MOB3B: variants seen among roughly 807,000 people sequenced by gnomAD.
The protein encoded by MOB3B is MOB kinase activator 3B.
Under a neutral mutation model 18.7 loss-of-function variants are expected in MOB3B, and 7 were observed. That is an observed-to-expected ratio of 0.37 (90% CI 0.21 to 0.70). The LOEUF (loss-of-function observed/expected upper bound fraction) is 0.70, where lower values mean the gene tolerates loss of function less well. Ranked by LOEUF, MOB3B falls within the 30% of genes least tolerant of loss-of-function variation. The pLI is 0.52. For synonymous variants in MOB3B, 111 were observed against 99.9 expected (o/e 1.11, Z -0.66); for missense variants, 253 against 281.3 (o/e 0.90, Z 0.72).
chr9:27,384,728 G>A (rs1050984812), intron 2 of MOB3B, among the ~76,000 whole-genome samples: 1 of 152,150 alleles, frequency 6.6e-6, no homozygotes, highest in African/African-American at 2.4e-5. Flanking sequence ...GGTGTCAGAC[G>A]GAAGCATCTC....
At chr9:27,418,867 G>T (rs1306437505) in intron 2 of MOB3B, among the ~76,000 whole-genome samples, 1 of 152,076 alleles carries the variant, frequency 6.6e-6, no homozygotes, top group Non-Finnish European at 1.5e-5. Flanking sequence ...AACTGTCACT[G>T]TTTGCTGACA....
At chr9:27,424,282 G>A (rs1285290910) in intron 2 of MOB3B, among the ~76,000 whole-genome samples, 1 of 152,152 alleles carries the variant, frequency 6.6e-6, no homozygotes, top group Non-Finnish European at 1.5e-5. Flanking sequence ...AAATGATTAG[G>A]CTGATTTAGA....
At chr9:27,458,707 T>C (rs1306969426) in intron 1 of MOB3B, among the ~76,000 whole-genome samples, 1 of 151,154 alleles carries the variant, frequency 6.6e-6, no homozygotes, top group East Asian at 2.0e-4. Context: ...CATGCCACAA[T>C]GCCTGGCTAA....
At chr9:27,501,505 A>T (rs1045810553) in intron 1 of MOB3B, among the ~76,000 whole-genome samples, 2 of 150,872 alleles carry the variant, frequency 1.3e-5, no homozygotes, top group Non-Finnish European at 3.0e-5. Context: ...CAAGGACAGA[A>T]AGCCAAACAC....
intron 1 of MOB3B, among the ~76,000 whole-genome samples, chr9:27,514,294 G>A (rs1051342999): frequency 1.6e-5 from 2 of 127,958 alleles, no homozygotes; most frequent in African/African-American, 6.0e-5. Context: ...TTATGAAGAA[G>A]CTCTTTCAGA....
chr9:27,475,972 C>A (rs1037493338), intron 1 of MOB3B, among the ~76,000 whole-genome samples: 2 of 152,194 alleles, frequency 1.3e-5, no homozygotes, highest in Non-Finnish European at 2.9e-5. Context: ...TGAAATCAGG[C>A]CACTGCCCTC....
intron 1 of MOB3B, among the ~76,000 whole-genome samples, chr9:27,502,465 A>C (rs1820005552): frequency 6.6e-6 from 1 of 152,220 alleles, no homozygotes; most frequent in Admixed American, 6.5e-5. Flanking sequence ...CACAAACTAC[A>C]GTATACCCCA....
At chr9:27,507,980 G>T (rs770670878) in intron 1 of MOB3B, among the ~76,000 whole-genome samples, 1 of 152,102 alleles carries the variant, frequency 6.6e-6, no homozygotes, top group Non-Finnish European at 1.5e-5. Context: ...ATGAGTTTTT[G>T]TTTATCTGTT....
chr9:27,384,904 C>T (rs1821629398), intron 2 of MOB3B, among the ~76,000 whole-genome samples: 2 of 152,174 alleles, frequency 1.3e-5, no homozygotes, highest in African/African-American at 4.8e-5. Context: ...TGCCCAGCAG[C>T]CCCAGCCTCC....
In MOB3B at chr9:27,395,158, C is replaced by T. The variant is rs369489480; in HGVS notation, c.419-35922G>A. Among the ~76,000 whole-genome samples the T allele has an allele frequency of 3.9e-5, 6 of 152,160 alleles. No individual in the cohort carries two copies. The East Asian group carries it at 5.8e-4, about 15-fold the overall frequency. ...TCTTGTTGTAGAAGCATCAAAAGAC[C>T]GCTGAAGCGGGGAGATATTGATCAA... is the stretch of plus-strand genomic sequence containing the variant. On this transcript the variant is annotated intron_variant, in intron 2 of 3. Transcript: ENST00000262244.
chr9:27,382,326 C>T (rs1027899566), intron 2 of MOB3B, among the ~76,000 whole-genome samples: 10 of 152,316 alleles, frequency 6.6e-5, no homozygotes, highest in African/African-American at 2.4e-4. Context: ...CAGATCGATT[C>T]TCTTTCTACA....
intron 3 of MOB3B, among the ~76,000 whole-genome samples, chr9:27,344,363 G>T (rs1429824779): frequency 1.3e-5 from 2 of 152,150 alleles, no homozygotes; most frequent in African/African-American, 4.8e-5. Context: ...AGAAAAATGA[G>T]AATTATTCCA....
At chr9:27,526,163 A>G (rs1820433657) in intron 1 of MOB3B, 1 of 152,222 alleles carries the variant, frequency 6.6e-6, no homozygotes, top group Non-Finnish European at 1.5e-5. Context: ...CAGATTCAAG[A>G]TTATTCCAAG....
At chr9:27,437,024 G>A (rs1453352513) in intron 2 of MOB3B, among the ~76,000 whole-genome samples, 3 of 151,602 alleles carry the variant, frequency 2.0e-5, no homozygotes, top group Non-Finnish European at 4.4e-5. Flanking sequence ...TGGGGGGAGT[G>A]TGTTTTGAGA....
At chr9:27,333,458 C>G (rs1428472303) in intron 3 of MOB3B, among the ~76,000 whole-genome samples, 1 of 152,180 alleles carries the variant, frequency 6.6e-6, no homozygotes, top group Non-Finnish European at 1.5e-5. Context: ...ACATTCCTTC[C>G]TCTCTGAGAG....
intron 2 of MOB3B, among the ~76,000 whole-genome samples, chr9:27,449,286 G>T (rs780561446): frequency 6.6e-6 from 1 of 152,132 alleles, no homozygotes; most frequent in Non-Finnish European, 1.5e-5. Flanking sequence ...CTGAGGATAC[G>T]GTTCAAAAAT....
At chr9:27,476,834 C>A (rs996196603) in intron 1 of MOB3B, among the ~76,000 whole-genome samples, 1 of 152,194 alleles carries the variant, frequency 6.6e-6, no homozygotes, top group African/African-American at 2.4e-5. Flanking sequence ...ACAGGCTACT[C>A]CTAGATAGTG....
chr9:27,455,001 A>G (rs1822849063), intron 2 of MOB3B, 132 bp downstream of exon 2: 3 of 952,758 alleles, frequency 3.1e-6, no homozygotes, highest in Admixed American at 4.7e-5. Context: ...GCTCTTATAT[A>G]TCACTCACTA....
intron 2 of MOB3B, among the ~76,000 whole-genome samples, chr9:27,390,826 G>A (rs976041664): frequency 4.6e-5 from 7 of 152,136 alleles, no homozygotes; most frequent in African/African-American, 1.7e-4. Flanking sequence ...CAGGTCATGA[G>A]AGCAGAGCCC....
Sources: allele counts gnomAD v4.1 joint callset (sites outside exome capture counted in the v4.1 genomes callset), GRCh38; gene constraint gnomAD v4.1.1; transcripts MANE v1.5; gene names NCBI Gene and HGNC (gene_info 2026-07-23, HGNC 2026-07-21).